RBMS2: variants seen among roughly 807,000 people sequenced by gnomAD.
RBMS2 encodes RNA-binding motif, single-stranded-interacting protein 2.
Under a neutral mutation model 58.4 loss-of-function variants are expected in RBMS2, and 38 were observed. The ratio of observed to expected loss-of-function variants is 0.65; its 90% CI spans 0.50 to 0.85. The LOEUF (loss-of-function observed/expected upper bound fraction) is 0.85, where lower values mean the gene tolerates loss of function less well. Among genes scored for constraint, RBMS2 ranks in the 40% least tolerant of loss-of-function variants. The pLI is 0.00. For missense variants in RBMS2, 367 were observed against 503.7 expected (o/e 0.73, Z 2.60); for synonymous variants, 151 against 180.7 (o/e 0.84, Z 1.32).
chr12:56,529,494 G>A (rs898216607), intron 1 of RBMS2, among the ~76,000 whole-genome samples: 1 of 152,130 alleles, frequency 6.6e-6, no homozygotes, highest in African/African-American at 2.4e-5. Flanking sequence ...AGGCTGGGAG[G>A]TGGAGACTGC....
rs561675168 is a variant in RBMS2, at chr12:56,595,816, C to G, written c.*6683C>G. On this transcript the variant is annotated 3_prime_UTR_variant, in exon 14 of 14. Transcript: ENST00000262031. ...TTCCATCCACACAGAGGGTATGGAACAGGAGCCCCTGTTGTTCCCTTGCCT... is the reference window on the plus strand; with the variant it reads ...TTCCATCCACACAGAGGGTATGGAAGAGGAGCCCCTGTTGTTCCCTTGCCT... 1 of 152,716 alleles carries G rather than the reference C, an allele frequency of 6.5e-6. No homozygotes were observed. Among genetic ancestry groups the G allele is most frequent in the South Asian group, 2.1e-4 (1 of 4,828 alleles). The allele number at this position is 152,716 out of a possible 1,614,324, so 9.5% of individuals were successfully genotyped here. A position where few individuals can be genotyped will look rare whatever the true frequency, so the allele number is the denominator to read the frequency against.
intron 1 of RBMS2, among the ~76,000 whole-genome samples, chr12:56,530,591 C>T (rs944957076): frequency 6.6e-6 from 1 of 152,006 alleles, no homozygotes; most frequent in Non-Finnish European, 1.5e-5. Flanking sequence ...AACTCCTGGG[C>T]TCAAGTGATT....
At chr12:56,527,347 C>A (rs928852415) in intron 1 of RBMS2, among the ~76,000 whole-genome samples, 5 of 152,194 alleles carry the variant, frequency 3.3e-5, no homozygotes. Flanking sequence ...CGCAGTGGCT[C>A]ACGCCTGTAA....
intron 13 of RBMS2, 37 bp downstream of exon 13, chr12:56,589,055 C>A (rs1034840274): frequency 6.2e-7 from 1 of 1,613,712 alleles, no homozygotes. Context: ...GAGGGCTGCA[C>A]TGGCAGACAG....
rs376412635 is a variant in RBMS2, at chr12:56,582,096, A to G, written c.817A>G (p.Met273Val). ...CCCCTATAACATCACCCCCAACAGGATGCTTGCTCAGTCTGCACTCTCCCC... is the reference window on the plus strand; with the variant it reads ...CCCCTATAACATCACCCCCAACAGGGTGCTTGCTCAGTCTGCACTCTCCCC... ...PAPYNITPNR[M>V]LAQSALSPYL... The change falls in exon 9 of 14, where the codon ATG (methionine) becomes GTG (valine). Residue 273 changes from methionine to valine, a missense_variant. Physicochemically the swap from Met to Val is conservative, Grantham distance 21. Transcript: ENST00000262031. The G allele has an allele frequency of 2.5e-6, 4 of 1,612,966 alleles. No individual in the cohort carries two copies. The Admixed American group carries it at 6.7e-5, about 27-fold the overall frequency.
chr12:56,533,375 T>C (rs756715870), intron 1 of RBMS2, among the ~76,000 whole-genome samples: 2 of 150,222 alleles, frequency 1.3e-5, no homozygotes, highest in African/African-American at 2.5e-5. Context: ...GTGCTGGGAT[T>C]ATAGGTGTGA....
intron 1 of RBMS2, among the ~76,000 whole-genome samples, chr12:56,523,089 T>C (rs908628439): frequency 6.6e-6 from 1 of 152,208 alleles, no homozygotes; most frequent in Non-Finnish European, 1.5e-5. Context: ...CACAAGTGTC[T>C]GATCAATGCA....
chr12:56,557,769 G>C (rs1232610272), intron 1 of RBMS2, among the ~76,000 whole-genome samples: 5 of 143,548 alleles, frequency 3.5e-5, no homozygotes, highest in Admixed American at 7.2e-5. Flanking sequence ...ACGGAGTTTC[G>C]CTCTTGTTGC....
intron 1 of RBMS2, among the ~76,000 whole-genome samples, chr12:56,558,446 G>A (rs981756080): frequency 2.0e-5 from 3 of 150,474 alleles, no homozygotes; most frequent in Admixed American, 6.7e-5. Flanking sequence ...CATTGAGAAT[G>A]GGGATAGATG....
chr12:56,558,399 G>A (rs1293199234), intron 1 of RBMS2, among the ~76,000 whole-genome samples: 1 of 147,806 alleles, frequency 6.8e-6, no homozygotes, highest in Non-Finnish European at 1.5e-5. Flanking sequence ...GGACAGTCCT[G>A]GCATCACTGA....
At chr12:56,584,444 A>C (rs921017466) in intron 9 of RBMS2, among the ~76,000 whole-genome samples, 2 of 152,012 alleles carry the variant, frequency 1.3e-5, no homozygotes, top group Non-Finnish European at 2.9e-5. Context: ...AAAAAAAAAA[A>C]AAAAGTTTAA....
chr12:56,536,200 C>CAAAAAAAAAAAA (rs71446560), intron 1 of RBMS2, among the ~76,000 whole-genome samples: 8 of 76,432 alleles, frequency 1.0e-4, no homozygotes, highest in African/African-American at 4.5e-4. Flanking sequence ...AACTCTGTCT[C>CAAAAAAAAAAAA]AAAAAAAAAA....
At chr12:56,581,926 G>C in intron 8 of RBMS2, 47 bp downstream of exon 8, 1 of 1,597,124 alleles carries the variant, frequency 6.3e-7, no homozygotes, top group Non-Finnish European at 8.6e-7. Context: ...AATGGCCTGT[G>C]TCCAGACACT....
Position 56,587,053 on chromosome 12 carries a change from G to T in RBMS2, c.951+127G>T, listed in dbSNP as rs550630609. ...GGCCAAGGCAGGCAAATCACCTGAGGTCAGGAGTTCGAGACCAGCCTGGCC... is the reference window on the plus strand; with the variant it reads ...GGCCAAGGCAGGCAAATCACCTGAGTTCAGGAGTTCGAGACCAGCCTGGCC... On this transcript the variant is annotated intron_variant, in intron 10 of 13. Transcript: ENST00000262031. 15 of 965,874 alleles carry T rather than the reference G, an allele frequency of 1.6e-5. No homozygotes were observed. The African/African-American group carries it at 2.1e-4, about 14-fold the overall frequency. 59.8% of individuals were successfully genotyped at this position (965,874 alleles called of 1,614,324 possible).
chr12:56,528,455 TC>T (rs147372838), intron 1 of RBMS2, among the ~76,000 whole-genome samples: 1,615 of 152,154 alleles, frequency 0.011, 28 homozygotes, highest in African/African-American at 0.037. Flanking sequence ...TATACACTAA[TC>T]TCTTAAGAAC....
At chr12:56,588,678 G>A in intron 12 of RBMS2, 1 of 591,592 alleles carries the variant, frequency 1.7e-6, no homozygotes, top group South Asian at 2.1e-5. Context: ...CATGAATGAG[G>A]CCCTTCCTTA....
chr12:56,589,698 T>C lies in RBMS2; in HGVS notation c.*565T>C, dbSNP rs1018916797. ...CTAAAAATGTTATTTTGTAAAGCTC[T>C]CAGCTCATGCACCCCATCTCCTCTT... is the stretch of plus-strand genomic sequence containing the variant. On this transcript the variant is annotated 3_prime_UTR_variant, in exon 14 of 14. Transcript: ENST00000262031. The C allele has an allele frequency of 6.5e-6, 1 of 154,434 alleles. No homozygotes were observed. The highest frequency in any genetic ancestry group is 2.0e-4 in the South Asian group (1 of 4,950). The allele number at this position is 154,434 out of a possible 1,614,324, so 9.6% of individuals were successfully genotyped here.
At chr12:56,550,279 C>T (rs1878015079) in intron 1 of RBMS2, among the ~76,000 whole-genome samples, 1 of 152,088 alleles carries the variant, frequency 6.6e-6, no homozygotes, top group Non-Finnish European at 1.5e-5. Flanking sequence ...CCTGTAATGC[C>T]AGCCCTTTGG....
In RBMS2 at chr12:56,592,443, CT is replaced by C; in HGVS notation, c.*3315del. 6.6e-6 allele frequency: 1 copy of C among 152,268 alleles called. No homozygotes were observed. Among genetic ancestry groups the C allele is most frequent in the Non-Finnish European group, 1.5e-5 (1 of 68,036 alleles). 9.4% of individuals were successfully genotyped at this position (152,268 alleles called of 1,614,324 possible). On this transcript the variant is annotated 3_prime_UTR_variant, in exon 14 of 14. Transcript: ENST00000262031. ...ATACTCAGACCCTAAACTGATTGGA[CT>C]TTTTGGAGGAGGGTGCCAGTAGAGA...
Sources: gnomAD v4.1 joint callset for allele counts (sites outside exome capture counted in the v4.1 genomes callset) on GRCh38, gnomAD v4.1.1 for gene constraint, MANE v1.5 for transcripts, NCBI Gene and HGNC (gene_info 2026-07-23, HGNC 2026-07-21) for gene names.